The following FGGY variants were observed in gnomAD, a reference collection of about 807,000 sequenced individuals.
FGGY encodes FGGY carbohydrate kinase domain containing.
A neutral mutation model predicts 71.3 loss-of-function variants in FGGY; 72 were observed. That is an observed-to-expected ratio of 1.01 (90% CI 0.84 to 1.23). The LOEUF (loss-of-function observed/expected upper bound fraction) is 1.23, where lower values mean the gene tolerates loss of function less well. FGGY is among the 50% of genes most tolerant of loss of function. The probability of loss-of-function intolerance (pLI) is 0.00; values close to 1 mark genes in which losing one functional copy is unlikely to be tolerated. For synonymous variants in FGGY, 251 were observed against 250.3 expected (o/e 1.00, Z -0.02); for missense variants, 668 against 682.3 (o/e 0.98, Z 0.23).
At chr1:59,744,760 G>GTATT (rs1465043310) in intron 14 of FGGY, among the ~76,000 whole-genome samples, 2 of 152,256 alleles carry the variant, frequency 1.3e-5, no homozygotes, top group Non-Finnish European at 2.9e-5. Context: ...CTTTCAACAT[G>GTATT]TATTTATTAC....
At chr1:59,392,428 A>G (rs1279165098) in intron 5 of FGGY, among the ~76,000 whole-genome samples, 2 of 152,124 alleles carry the variant, frequency 1.3e-5, no homozygotes, top group African/African-American at 4.8e-5. Context: ...CAACCAGGTA[A>G]CTTGGGGCCC....
At chr1:59,703,307 C>A (rs1211113859) in intron 14 of FGGY, among the ~76,000 whole-genome samples, 1 of 152,122 alleles carries the variant, frequency 6.6e-6, no homozygotes, top group Non-Finnish European at 1.5e-5. Context: ...TACTGAGTGC[C>A]TTCCATGTGC....
chr1:59,460,802 C>T (rs2092131649), intron 6 of FGGY, among the ~76,000 whole-genome samples: 1 of 152,194 alleles, frequency 6.6e-6, no homozygotes, highest in African/African-American at 2.4e-5. Flanking sequence ...AGTGGACCTC[C>T]AGCAAATTCC....
intron 11 of FGGY, among the ~76,000 whole-genome samples, chr1:59,651,247 T>C (rs2097157156): frequency 6.6e-6 from 1 of 151,890 alleles, no homozygotes; most frequent in Non-Finnish European, 1.5e-5. Flanking sequence ...GGGTGGAGAG[T>C]TCTGTAGAAG....
At chr1:59,425,109 G>T (rs141709254) in intron 5 of FGGY, among the ~76,000 whole-genome samples, 1 of 152,120 alleles carries the variant, frequency 6.6e-6, no homozygotes, top group Non-Finnish European at 1.5e-5. Context: ...CTTGTGAGCC[G>T]TAAAAGCGAT....
At chr1:59,550,918 C>T (rs1243623805) in intron 7 of FGGY, among the ~76,000 whole-genome samples, 3 of 152,204 alleles carry the variant, frequency 2.0e-5, no homozygotes, top group Admixed American at 6.5e-5. Flanking sequence ...CTCTGTTCTT[C>T]TACTTCTGCA....
At chr1:59,315,576 T>C (rs1216182805) in intron 1 of FGGY, 1 of 152,214 alleles carries the variant, frequency 6.6e-6, no homozygotes, top group African/African-American at 2.4e-5. Context: ...CATAAAAGAT[T>C]GTTCTGCTCT....
At chr1:59,451,622 C>T (rs1279041363) in intron 5 of FGGY, among the ~76,000 whole-genome samples, 1 of 152,010 alleles carries the variant, frequency 6.6e-6, no homozygotes, top group African/African-American at 2.4e-5. Context: ...CTTTGATTTC[C>T]ACCATATTGA....
Position 59,648,792 on chromosome 1 carries a change from G to T in FGGY, c.1221+10417G>T, listed in dbSNP as rs1256886519. On this transcript the variant is annotated intron_variant, in intron 11 of 15. Transcript: ENST00000303721. Reference sequence around the variant, plus strand: ...GTCAATTTTGGCTTTTGTTGCCATTGCTTTTTGTGTTTTAGACATGAAGTC... The same window carrying T: ...GTCAATTTTGGCTTTTGTTGCCATTTCTTTTTGTGTTTTAGACATGAAGTC... Among the ~76,000 whole-genome samples the T allele has an allele frequency of 3.9e-5, 6 of 152,190 alleles. No homozygotes were observed. In the East Asian group the frequency reaches 1.2e-3, roughly 29 times the overall value.
intron 5 of FGGY, among the ~76,000 whole-genome samples, chr1:59,412,904 C>T (rs1283753147): frequency 2.6e-5 from 4 of 152,114 alleles, no homozygotes; most frequent in African/African-American, 9.7e-5. Context: ...GATAAGGGGT[C>T]AGCAAGAAGA....
chr1:59,436,984 A>G (rs544081387), intron 5 of FGGY, among the ~76,000 whole-genome samples: 4 of 152,156 alleles, frequency 2.6e-5, no homozygotes, highest in Non-Finnish European at 5.9e-5. Flanking sequence ...TCCCTGACCC[A>G]TTGTTAATTA....
At chr1:59,514,156 C>T (rs911631114) in intron 7 of FGGY, among the ~76,000 whole-genome samples, 1 of 152,146 alleles carries the variant, frequency 6.6e-6, no homozygotes, top group African/African-American at 2.4e-5. Flanking sequence ...GTTTCTGTCC[C>T]CTAGCAATCC....
chr1:59,614,159 T>A (rs569915136), intron 9 of FGGY, among the ~76,000 whole-genome samples: 49 of 152,326 alleles, frequency 3.2e-4, no homozygotes, highest in Middle Eastern at 6.8e-3. Flanking sequence ...GAGGCCAGCA[T>A]CATCCTGATA....
At chr1:59,589,739 C>T (rs1458716594) in intron 8 of FGGY, among the ~76,000 whole-genome samples, 68 of 152,080 alleles carry the variant, frequency 4.5e-4, no homozygotes, top group Non-Finnish European at 2.5e-4. Context: ...TTGAAACCAA[C>T]GAGAACAAAG....
At chr1:59,624,506 G>A (rs2096838747) in intron 9 of FGGY, among the ~76,000 whole-genome samples, 1 of 152,134 alleles carries the variant, frequency 6.6e-6, no homozygotes, top group South Asian at 2.1e-4. Flanking sequence ...TACTACTGTT[G>A]GCACTATAGT....
At chr1:59,523,705 G>A (rs1310414595) in intron 7 of FGGY, among the ~76,000 whole-genome samples, 1 of 152,146 alleles carries the variant, frequency 6.6e-6, no homozygotes, top group East Asian at 1.9e-4. Flanking sequence ...ATCTGTATCT[G>A]TGCTTTGTAC....
At chr1:59,535,123 A>C (rs2095276738) in intron 7 of FGGY, among the ~76,000 whole-genome samples, 1 of 152,216 alleles carries the variant, frequency 6.6e-6, no homozygotes, top group Non-Finnish European at 1.5e-5. Context: ...CTCAAAATAA[A>C]AGGATGGAGG....
rs146701254 is a variant in FGGY, at chr1:59,613,137, A to T, written c.1011+5227A>T. Among the ~76,000 whole-genome samples, 145 of 152,346 alleles carry T rather than the reference A, an allele frequency of 9.5e-4. 4 individuals carry two copies. The highest frequency in any genetic ancestry group is 3.9e-4 in the East Asian group (2 of 5,192). The stretch of plus-strand genomic sequence containing the variant: ...ATCCAGGAATAGAACTCAGCTCTGC[A>T]CCAAGTGGACCTAATAGACATCTAC... On this transcript the variant is annotated intron_variant, in intron 9 of 15. Transcript: ENST00000303721.
chr1:59,653,523 C>T (rs571195176), intron 11 of FGGY, among the ~76,000 whole-genome samples: 14 of 152,036 alleles, frequency 9.2e-5, no homozygotes, highest in African/African-American at 2.4e-4. Flanking sequence ...TTTCCAGGTG[C>T]GTCCGTCACC....
Sources: allele counts gnomAD v4.1 joint callset (sites outside exome capture counted in the v4.1 genomes callset), GRCh38; gene constraint gnomAD v4.1.1; transcripts MANE v1.5; gene names NCBI Gene and HGNC (gene_info 2026-07-23, HGNC 2026-07-21).